PLXNC1: variants seen among roughly 807,000 people sequenced by gnomAD.
PLXNC1 encodes the protein plexin-C1.
In PLXNC1, 75 loss-of-function variants were observed where a neutral mutation model predicts 178.2. The observed-to-expected ratio is 0.42, with a 90% CI of 0.35 to 0.51. The LOEUF (loss-of-function observed/expected upper bound fraction) is 0.51. PLXNC1 is among the 20% of genes least tolerant of loss of function. The probability of loss-of-function intolerance (pLI) is 0.02; values close to 1 mark genes in which losing one functional copy is unlikely to be tolerated. For synonymous variants in PLXNC1, 790 were observed against 779.9 expected (o/e 1.01, Z -0.22); for missense variants, 1,503 against 1,984.4 (o/e 0.76, Z 4.61).
At chr12:94,254,951 A>T (rs1049884580) in intron 16 of PLXNC1, 63 bp downstream of exon 16, 13 of 1,307,480 alleles carry the variant, frequency 9.9e-6, no homozygotes, top group Non-Finnish European at 1.3e-5. Context: ...TTATTTTTTT[A>T]CCCTTACATA....
intron 15 of PLXNC1, 40 bp from the exon 16 acceptor site, chr12:94,254,747 A>G (rs779731790): frequency 8.9e-6 from 13 of 1,454,166 alleles, no homozygotes; most frequent in African/African-American, 1.4e-5. Context: ...TTGGTTTTTG[A>G]GTTACCATGT....
intron 16 of PLXNC1, 67 bp downstream of exon 16, chr12:94,254,955 T>G: frequency 7.8e-7 from 1 of 1,279,020 alleles, no homozygotes; most frequent in Non-Finnish European, 1.1e-6. Context: ...TTTTTTACCC[T>G]TACATAGAGA....
intron 21 of PLXNC1, among the ~76,000 whole-genome samples, chr12:94,272,697 T>A (rs888747691): frequency 6.6e-6 from 1 of 152,234 alleles, no homozygotes; most frequent in African/African-American, 2.4e-5. Context: ...TTGAGCCCAC[T>A]GAATCTGGAG....
chr12:94,231,287 G>A (rs1287672899), intron 9 of PLXNC1, among the ~76,000 whole-genome samples: 1 of 152,170 alleles, frequency 6.6e-6, no homozygotes, highest in Non-Finnish European at 1.5e-5. Context: ...ACCAGCATAT[G>A]CACAGTGTAG....
chr12:94,298,563 T>C (rs1411216426), intron 26 of PLXNC1, 69 bp from the exon 27 acceptor site: 21 of 1,232,508 alleles, frequency 1.7e-5, no homozygotes, highest in Non-Finnish European at 2.2e-5. Flanking sequence ...GATTTGCTTT[T>C]GCTATTATGT....
rs2135909135 is a variant in PLXNC1 at position 94,149,189 on chromosome 12, A to G, written c.218A>G (p.Glu73Gly). 1.3e-6 allele frequency: 2 copies of G among 1,588,696 alleles called. No individual in the cohort carries two copies. Among genetic ancestry groups the G allele is most frequent in the Non-Finnish European group, 1.7e-6 (2 of 1,171,714 alleles). Residue 73 changes from glutamate (E) to glycine (G), a missense_variant, in exon 1 of 31, where the codon GAG (glutamate) becomes GGG (glycine). Glu to Gly is a moderately conservative substitution (Grantham distance 98). Transcript: ENST00000258526. ...CTGGACCAGCTGGACTACAGCCTGG[A>G]GCACAGCCTCTCGCGCCTGTACCGG... Reference protein sequence around the residue: ...SCLDQLDYSLEHSLSRLYRDQ... With the variant: ...SCLDQLDYSLGHSLSRLYRDQ...
chr12:94,226,756 G>T, intron 8 of PLXNC1, 49 bp downstream of exon 8: 1 of 1,291,684 alleles, frequency 7.7e-7, no homozygotes, highest in South Asian at 1.2e-5. Flanking sequence ...GGGCATGGTG[G>T]CTCACGCCTG....
intron 5 of PLXNC1, among the ~76,000 whole-genome samples, chr12:94,210,582 C>CA (rs1394911595): frequency 1.3e-5 from 2 of 152,158 alleles, no homozygotes; most frequent in African/African-American, 4.8e-5. Flanking sequence ...TACACTTTGC[C>CA]ATTTCAGAGA....
chr12:94,283,617 C>T (rs2136152712), intron 23 of PLXNC1, among the ~76,000 whole-genome samples: 1 of 152,300 alleles, frequency 6.6e-6, no homozygotes, highest in East Asian at 1.9e-4. Context: ...TTTTTAAGGA[C>T]AACTTGGTGG....
At chr12:94,253,932 G>C (rs1212561207) in intron 15 of PLXNC1, among the ~76,000 whole-genome samples, 1 of 151,834 alleles carries the variant, frequency 6.6e-6, no homozygotes, top group African/African-American at 2.4e-5. Context: ...TCCCACCTCA[G>C]CCTCTCAAAG....
intron 17 of PLXNC1, 29 bp from the exon 18 acceptor site, chr12:94,259,308 G>GA: frequency 6.5e-7 from 1 of 1,539,156 alleles, no homozygotes; most frequent in East Asian, 2.3e-5. Context: ...TGGATGTTAT[G>GA]AATAATAAAA....
chr12:94,265,620 C>T lies in PLXNC1; in HGVS notation c.3597+395C>T, dbSNP rs75179505. 1.2e-3 allele frequency among the ~76,000 whole-genome samples: 178 copies of T among 152,240 alleles called. 4 individuals carry two copies. The East Asian group carries it at 0.03, about 25-fold the overall frequency. ...AGATATATTTCAATCAAATTGAGGC[C>T]GTCTTATTTTAGAATGATAACACAA... On this transcript the variant is annotated intron_variant, in intron 21 of 30. Coordinates refer to ENST00000258526, the MANE Select transcript of PLXNC1 (RefSeq NM_005761.3).
intron 1 of PLXNC1, chr12:94,150,878 C>T (rs1262300222): frequency 2.0e-5 from 3 of 152,270 alleles, no homozygotes; most frequent in African/African-American, 4.8e-5. Context: ...GCAAGCGATA[C>T]AGGTTTCCCC....
At chr12:94,170,865 C>T (rs927394662) in intron 2 of PLXNC1, among the ~76,000 whole-genome samples, 1 of 152,172 alleles carries the variant, frequency 6.6e-6, no homozygotes, top group African/African-American at 2.4e-5. Flanking sequence ...AGGGTAAATA[C>T]CCATCCATCA....
intron 4 of PLXNC1, among the ~76,000 whole-genome samples, chr12:94,208,530 C>G (rs192541952): frequency 6.6e-6 from 1 of 152,194 alleles, no homozygotes; most frequent in Non-Finnish European, 1.5e-5. Context: ...GGATCCCCTC[C>G]GGGACTCCCC....
At chr12:94,297,145 T>C in intron 24 of PLXNC1, 44 bp from the exon 25 acceptor site, 1 of 1,609,828 alleles carries the variant, frequency 6.2e-7, no homozygotes, top group Non-Finnish European at 8.5e-7. Context: ...CATGGTTGCT[T>C]TTTTTAATGG....
At chr12:94,291,845 A>G (rs1967364494) in intron 23 of PLXNC1, among the ~76,000 whole-genome samples, 1 of 152,090 alleles carries the variant, frequency 6.6e-6, no homozygotes, top group Non-Finnish European at 1.5e-5. Context: ...GTGGGCTTCT[A>G]TTGATCCCAT....
At chr12:94,241,149 A>G (rs1416018047) in intron 11 of PLXNC1, among the ~76,000 whole-genome samples, 1 of 152,230 alleles carries the variant, frequency 6.6e-6, no homozygotes, top group Non-Finnish European at 1.5e-5. Context: ...GATAAATCCA[A>G]TATGTTAAGA....
intron 17 of PLXNC1, among the ~76,000 whole-genome samples, 165 bp from the exon 18 acceptor site, chr12:94,259,172 A>G (rs1430498299): frequency 2.0e-5 from 3 of 152,206 alleles, no homozygotes; most frequent in African/African-American, 7.2e-5. Flanking sequence ...CTGAATAATT[A>G]TTTATTATGT....
Sources: allele counts gnomAD v4.1 joint callset (sites outside exome capture counted in the v4.1 genomes callset), GRCh38; gene constraint gnomAD v4.1.1; transcripts MANE v1.5; gene names NCBI Gene and HGNC (gene_info 2026-07-23, HGNC 2026-07-21).